The following IQSEC1 variants were observed in gnomAD, a reference collection of about 807,000 sequenced individuals.
IQSEC1 encodes IQ motif and SEC7 domain-containing protein 1.
Under a neutral mutation model 91.0 loss-of-function variants are expected in IQSEC1, and 31 were observed. The ratio of observed to expected loss-of-function variants is 0.34; its 90% confidence interval spans 0.26 to 0.46. The LOEUF is 0.46. IQSEC1 is among the 20% of genes least tolerant of loss of function. IQSEC1 has a pLI of 1.00. For missense variants in IQSEC1, 1,388 were observed against 1,575.6 expected (o/e 0.88, Z 2.02); for synonymous variants, 699 against 662.6 (o/e 1.05, Z -0.84).
intron 1 of IQSEC1, among the ~76,000 whole-genome samples, chr3:13,178,264 C>T (rs1028558729): frequency 7.9e-5 from 12 of 152,236 alleles, no homozygotes; most frequent in African/African-American, 2.9e-4. Flanking sequence ...CAGATAGACA[C>T]AAGAGCCTGC....
intron 1 of IQSEC1, among the ~76,000 whole-genome samples, chr3:13,218,053 C>T (rs181216196): frequency 1.4e-3 from 210 of 152,294 alleles, no homozygotes; most frequent in Middle Eastern, 0.01. Context: ...TCAGGTGCAC[C>T]CCTGGCTTCC....
rs544897492 is a variant in IQSEC1, at chr3:13,000,817, G to C, written c.24-58952C>G. ...GAACTGGTACCCACTTTGTGTCAGA[G>C]AGCACTGTGCCAGATACTTTATCCA... is the stretch of plus-strand genomic sequence containing the variant. On this transcript the variant is annotated intron_variant, in intron 1 of 13. Coordinates refer to ENST00000613206, the MANE Select transcript of IQSEC1 (RefSeq NM_001134382.3). Among the ~76,000 whole-genome samples, 3 of 152,346 alleles carry C rather than the reference G, an allele frequency of 2.0e-5. No homozygotes were observed. The East Asian group carries it at 5.8e-4, about 29-fold the overall frequency.
chr3:12,948,004 C>T (rs1699296624), intron 1 of IQSEC1, among the ~76,000 whole-genome samples: 1 of 152,232 alleles, frequency 6.6e-6, no homozygotes, highest in Admixed American at 6.5e-5. Flanking sequence ...CCCGCCCCAC[C>T]CAGGCTTTCT....
intron 6 of IQSEC1, among the ~76,000 whole-genome samples, chr3:12,916,685 G>A (rs1696125361): frequency 6.6e-6 from 1 of 152,210 alleles, no homozygotes; most frequent in African/African-American, 2.4e-5. Flanking sequence ...TATCCCATGG[G>A]AAATGAGACA....
chr3:12,985,650 C>T (rs370030972), intron 1 of IQSEC1, among the ~76,000 whole-genome samples: 20 of 152,212 alleles, frequency 1.3e-4, no homozygotes, highest in Admixed American at 3.9e-4. Flanking sequence ...ATTTAAAGGA[C>T]GGGTGGCAGA....
chr3:13,274,140 T>C (rs1695635174), intron 1 of IQSEC1, among the ~76,000 whole-genome samples: 1 of 152,146 alleles, frequency 6.6e-6, no homozygotes, highest in Non-Finnish European at 1.5e-5. Flanking sequence ...CCATTCAGCC[T>C]CGGGCTGTTC....
intron 1 of IQSEC1, among the ~76,000 whole-genome samples, chr3:13,012,271 C>T (rs1702918805): frequency 6.6e-6 from 1 of 152,174 alleles, no homozygotes; most frequent in Admixed American, 6.5e-5. Context: ...AGTCCTGAAC[C>T]CGACCCTAGG....
upstream of IQSEC1, among the ~76,000 whole-genome samples, chr3:13,074,353 T>TG (rs36015108): frequency 0.97 from 147,011 of 152,180 alleles, 71,055 homozygotes; most frequent in East Asian, 1. Context: ...CGTGGTGCAG[T>TG]GTGCGACAGG....
chr3:12,994,098 A>G lies in IQSEC1; in HGVS notation c.24-52233T>C, dbSNP rs1229241106. Among the ~76,000 whole-genome samples, 1 of 145,886 alleles carries G rather than the reference A, an allele frequency of 6.9e-6. No homozygotes were observed. The highest frequency in any genetic ancestry group is 1.5e-5 in the Non-Finnish European group (1 of 65,718). ...CCTCCTACCTCGCGGGTCCGCCCGCAGCCGCCGAGAGCGCGCCGTCCCCGC... is the reference window on the plus strand; with the variant it reads ...CCTCCTACCTCGCGGGTCCGCCCGCGGCCGCCGAGAGCGCGCCGTCCCCGC... On this transcript the variant is annotated intron_variant, in intron 1 of 13. Transcript: ENST00000613206. This position sits in a 1 kb window ranked among gnomAD's most constrained non-coding sequence, Gnocchi z 4.5.
Position 13,198,661 on chromosome 3 carries a change from T to C in IQSEC1, c.273-34528A>G, listed in dbSNP as rs373867150. Among the ~76,000 whole-genome samples, 42 of 152,314 alleles carry C rather than the reference T, an allele frequency of 2.8e-4. 2 individuals are homozygous for C. Among genetic ancestry groups the C allele is most frequent in the South Asian group, 2.3e-3 (11 of 4,822 alleles). On this transcript the variant is annotated intron_variant, in intron 1 of 15. Coordinates refer to the IQSEC1 transcript ENST00000648114. ...AACTGCCTTTGAATTCCAGCTCTCATGCCGGCTGGCTGCGTCCTCTTACAC... is the reference window on the plus strand; with the variant it reads ...AACTGCCTTTGAATTCCAGCTCTCACGCCGGCTGGCTGCGTCCTCTTACAC...
At chr3:13,066,221 TGTG>T (rs1186240795) in intron 1 of IQSEC1, among the ~76,000 whole-genome samples, 1 of 152,000 alleles carries the variant, frequency 6.6e-6, no homozygotes, top group Non-Finnish European at 1.5e-5. Context: ...AAGGCAAACA[TGTG>T]GTCGATCTGC....
rs775814918 is a variant in IQSEC1 at position 13,180,086 on chromosome 3, G to C, written c.273-15953C>G. ...GCGCCCAGTCCCATCCACCACCCAA[G>C]GGCTGAGGAGTGCAGGTGCATGGTG... On this transcript the variant is annotated intron_variant, in intron 1 of 15. Transcript: ENST00000648114. Among the ~76,000 whole-genome samples, 284 of 132,310 alleles carry C rather than the reference G, an allele frequency of 2.1e-3. 1 individual carries two copies. Among genetic ancestry groups the C allele is most frequent in the Admixed American group, 4.5e-3 (59 of 13,094 alleles). The allele number at this position is 132,310 out of a possible 152,430, so 86.8% of individuals were successfully genotyped here.
At chr3:13,086,331 A>G (rs957467794) in intron 2 of IQSEC1, among the ~76,000 whole-genome samples, 5 of 152,200 alleles carry the variant, frequency 3.3e-5, no homozygotes, top group African/African-American at 1.2e-4. Context: ...ATGCTCAGTG[A>G]GGGCTGCTTG....
At chr3:12,993,127 G>C (rs1047821878) in intron 1 of IQSEC1, among the ~76,000 whole-genome samples, 1 of 152,168 alleles carries the variant, frequency 6.6e-6, no homozygotes, top group Non-Finnish European at 1.5e-5. Flanking sequence ...TCAGGGTCCA[G>C]AGGTCGCCAA....
intron 2 of IQSEC1, among the ~76,000 whole-genome samples, chr3:13,120,470 G>A (rs547956331): frequency 1.3e-5 from 2 of 152,312 alleles, no homozygotes; most frequent in African/African-American, 4.8e-5. Flanking sequence ...CCCTCAGTCA[G>A]GAAAGTAACC....
At chr3:13,007,522 G>A (rs559411002) in intron 1 of IQSEC1, among the ~76,000 whole-genome samples, 1 of 152,344 alleles carries the variant, frequency 6.6e-6, no homozygotes, top group South Asian at 2.1e-4. Context: ...GGCTGGCAAG[G>A]AACTTGCGCG....
rs574248524 is a variant in IQSEC1, at chr3:12,937,881, C to T, written c.319-1184G>A. Among the ~76,000 whole-genome samples, 29 of 152,284 alleles carry T rather than the reference C, an allele frequency of 1.9e-4. No homozygotes were observed. In the East Asian group the frequency reaches 3.1e-3, roughly 16 times the overall value. On this transcript the variant is annotated intron_variant, in intron 2 of 13. Coordinates refer to ENST00000613206, the MANE Select transcript of IQSEC1 (RefSeq NM_001134382.3). ...GGAGCTGGCTTTCCCTCATGAGCAC[C>T]GCCATTCCTAGATGGCTCGTCTGGC... is the stretch of plus-strand genomic sequence containing the variant.
rs533165449 is a variant in IQSEC1 at position 13,138,835 on chromosome 3, C to T, written c.302+25269G>A. Among the ~76,000 whole-genome samples, 5 of 151,980 alleles carry T rather than the reference C, an allele frequency of 3.3e-5. No homozygotes were observed. The South Asian group carries it at 1.0e-3, about 32-fold the overall frequency. Reference sequence around the variant, plus strand: ...GCTTGTGAGCTTCCCCTCCTGGTCCCAGCTGGGAAGAACCTTCCTTGTTGC... The same window carrying T: ...GCTTGTGAGCTTCCCCTCCTGGTCCTAGCTGGGAAGAACCTTCCTTGTTGC... On this transcript the variant is annotated intron_variant, in intron 2 of 15. Coordinates refer to the IQSEC1 transcript ENST00000648114.
chr3:12,919,379 C>A (rs1696402542), intron 6 of IQSEC1, among the ~76,000 whole-genome samples: 1 of 152,228 alleles, frequency 6.6e-6, no homozygotes, highest in Admixed American at 6.5e-5. Flanking sequence ...GTGGCAGAAC[C>A]ACTCAGGTCT....
Sources: allele counts gnomAD v4.1 joint callset (sites outside exome capture counted in the v4.1 genomes callset), GRCh38; gene constraint gnomAD v4.1.1; non-coding constraint Gnocchi (gnomAD v3.1); transcripts MANE v1.5; gene names NCBI Gene and HGNC (gene_info 2026-07-23, HGNC 2026-07-21).